Variants in ACOX3 observed in about 807,000 individuals in gnomAD.
The protein encoded by ACOX3 is peroxisomal acyl-coenzyme A oxidase 3.
Under a neutral mutation model 81.5 loss-of-function variants are expected in ACOX3, and 73 were observed. The ratio of observed to expected loss-of-function variants is 0.90; its 90% CI spans 0.74 to 1.09. The LOEUF (loss-of-function observed/expected upper bound fraction) is 1.09, where lower values mean the gene tolerates loss of function less well. ACOX3 is among the 50% of genes least tolerant of loss of function. ACOX3 has a pLI of 0.00. For missense variants in ACOX3, 947 were observed against 928.0 expected (o/e 1.02, Z -0.27); for synonymous variants, 387 against 375.1 (o/e 1.03, Z -0.37).
downstream of ACOX3, chr4:8,366,224 C>A (rs182662991): frequency 2.1e-4 from 32 of 152,400 alleles, no homozygotes; most frequent in African/African-American, 7.5e-4. Context: ...TGGGGACAGG[C>A]CACATGTGTG....
In ACOX3 at chr4:8,368,927, G is replaced by C. The variant is rs974594711; in HGVS notation, c.1984-1847C>G. ...ACTCCTGGGCTAAAGGGATCCGCCCGCCTCAGCCTTCCAAAGTGCTAGGAT... is the reference window on the plus strand; with the variant it reads ...ACTCCTGGGCTAAAGGGATCCGCCCCCCTCAGCCTTCCAAAGTGCTAGGAT... On this transcript the variant is annotated intron_variant, in intron 17 of 17. Coordinates refer to ENST00000356406, the MANE Select transcript of ACOX3 (RefSeq NM_003501.3). This position sits in a 1 kb window ranked among gnomAD's most constrained non-coding sequence, Gnocchi z 5.9. Among the ~76,000 whole-genome samples the C allele has an allele frequency of 2.6e-5, 4 of 151,996 alleles. No homozygotes were observed. Among genetic ancestry groups the C allele is most frequent in the African/African-American group, 7.3e-5 (3 of 41,368 alleles).
chr4:8,390,887 C>T (rs1258902091), intron 11 of ACOX3, among the ~76,000 whole-genome samples: 1 of 152,170 alleles, frequency 6.6e-6, no homozygotes, highest in Non-Finnish European at 1.5e-5. Flanking sequence ...AGCTTCCTGC[C>T]ACGTAACAGG....
rs1718647072 is a variant in ACOX3 at position 8,389,054 on chromosome 4, A to G, written c.1537+119T>C. 8 of 769,838 alleles carry G rather than the reference A, an allele frequency of 1.0e-5. No individual in the cohort carries two copies. The East Asian group carries it at 1.9e-4, about 18-fold the overall frequency. 47.7% of individuals were successfully genotyped at this position (769,838 alleles called of 1,614,324 possible). A position where few individuals can be genotyped will look rare whatever the true frequency, so the allele number is the denominator to read the frequency against. On this transcript the variant is annotated intron_variant, in intron 13 of 17. Coordinates refer to ENST00000356406, the MANE Select transcript of ACOX3 (RefSeq NM_003501.3). The surrounding 1 kb of genome is among the most constrained non-coding windows in gnomAD (Gnocchi z 5.3). ...GGACAAGCTGCATGCGGGGCCTCCC[A>G]CCACCACTGCTGCCCCGGCTGGAAC...
At chr4:8,361,449 AAAAAAAAAG>A (rs1246063938), downstream of ACOX3, among the ~76,000 whole-genome samples, 39 of 150,170 alleles carry the variant, frequency 2.6e-4, no homozygotes, top group Admixed American at 5.3e-4. Flanking sequence ...AAAAAAAAAA[AAAAAAAAAG>A]GATTGTTTTA....
At chr4:8,366,109 C>A (rs896848538), downstream of ACOX3, among the ~76,000 whole-genome samples, 6 of 152,176 alleles carry the variant, frequency 3.9e-5, no homozygotes, top group African/African-American at 7.2e-5. Context: ...GAACCTAACA[C>A]TGGGAAGGGC....
intron 5 of ACOX3, among the ~76,000 whole-genome samples, chr4:8,412,005 GGAAA>G (rs1721776127): frequency 6.6e-6 from 1 of 152,220 alleles, no homozygotes; most frequent in African/African-American, 2.4e-5. Flanking sequence ...AGAAGGAGGT[GGAAA>G]TGGGAAGTGG....
Position 8,381,430 on chromosome 4 carries a change from C to T in ACOX3, c.1653+62G>A, listed in dbSNP as rs1717631584. 1.4e-6 allele frequency: 2 copies of T among 1,479,554 alleles called. No homozygotes were observed. Among genetic ancestry groups the T allele is most frequent in the East Asian group, 2.3e-5 (1 of 43,968 alleles). 91.7% of individuals were successfully genotyped at this position (1,479,554 alleles called of 1,614,324 possible). ...GCCAGGATGTTCAAACTCCCAGGGACACAACGGCCAGGGAATTAAGAGCAA... is the reference window on the plus strand; with the variant it reads ...GCCAGGATGTTCAAACTCCCAGGGATACAACGGCCAGGGAATTAAGAGCAA... On this transcript the variant is annotated intron_variant, in intron 14 of 17. Transcript: ENST00000356406. This position sits in a 1 kb window ranked among gnomAD's most constrained non-coding sequence, Gnocchi z 4.3.
At chr4:8,383,963 T>C (rs548769342) in intron 13 of ACOX3, among the ~76,000 whole-genome samples, 1 of 152,320 alleles carries the variant, frequency 6.6e-6, no homozygotes, top group African/African-American at 2.4e-5. Context: ...GCAAATTCCT[T>C]CTGACCACAC....
At chr4:8,373,420 G>C in intron 16 of ACOX3, 141 bp downstream of exon 16, 3 of 840,024 alleles carry the variant, frequency 3.6e-6, no homozygotes, top group Non-Finnish European at 5.7e-6. Flanking sequence ...TGTAGGCTCT[G>C]GGTGACGCTA....
intron 1 of ACOX3, chr4:8,436,178 T>C (rs1270892965): frequency 1.3e-5 from 2 of 152,186 alleles, no homozygotes; most frequent in Non-Finnish European, 2.9e-5. Flanking sequence ...GCTAGAGCCC[T>C]GTCGAGCATT....
intron 6 of ACOX3, among the ~76,000 whole-genome samples, chr4:8,408,904 T>A (rs28506878): frequency 9.8e-5 from 3 of 30,538 alleles, no homozygotes; most frequent in Non-Finnish European, 1.7e-4. Context: ...GGGGGGGGGG[T>A]GGGGGGGGGG....
chr4:8,424,821 C>T (rs1723300131), intron 1 of ACOX3, among the ~76,000 whole-genome samples: 1 of 152,194 alleles, frequency 6.6e-6, no homozygotes, highest in East Asian at 1.9e-4. Flanking sequence ...TGACTGATCC[C>T]GACCTCAACT....
At chr4:8,425,851 G>C (rs1723420299) in intron 1 of ACOX3, among the ~76,000 whole-genome samples, 1 of 152,090 alleles carries the variant, frequency 6.6e-6, no homozygotes, top group African/African-American at 2.4e-5. Flanking sequence ...TTTCAAGGCT[G>C]CAGTAACCCA....
chr4:8,405,830 C>T lies in ACOX3; in HGVS notation c.776+125G>A, dbSNP rs1720878703. On this transcript the variant is annotated intron_variant, in intron 7 of 17. Coordinates refer to ENST00000356406, the MANE Select transcript of ACOX3 (RefSeq NM_003501.3). The surrounding 1 kb of genome is among the most constrained non-coding windows in gnomAD (Gnocchi z 7.1). ...TGCACGGGGGCTAGGCGTAGGTCCC[C>T]ACCGCATTTGAGTCTAAGAGGGCAG... The T allele has an allele frequency of 1.0e-6, 1 of 982,364 alleles. No individual in the cohort carries two copies. Among genetic ancestry groups the T allele is most frequent in the Non-Finnish European group, 1.6e-6 (1 of 623,532 alleles). The allele number at this position is 982,364 out of a possible 1,614,324, so 60.9% of individuals were successfully genotyped here.
intron 5 of ACOX3, among the ~76,000 whole-genome samples, chr4:8,413,844 G>A (rs58141973): frequency 0.038 from 5,788 of 152,352 alleles, 145 homozygotes; most frequent in African/African-American, 0.067. Context: ...GTCAGACTGC[G>A]GTGGCGGAAA....
chr4:8,365,708 T>C (rs949162627), downstream of ACOX3, among the ~76,000 whole-genome samples: 3 of 152,076 alleles, frequency 2.0e-5, no homozygotes, highest in African/African-American at 7.2e-5. Flanking sequence ...AGTCACTAAT[T>C]ACCCCTCAGA....
rs749483713 is a variant in ACOX3, at chr4:8,394,574, G to A, written c.1179+46C>T. On this transcript the variant is annotated intron_variant, in intron 10 of 17. Transcript: ENST00000356406. The surrounding 1 kb of genome is among the most constrained non-coding windows in gnomAD (Gnocchi z 5.9). Reference sequence around the variant, plus strand: ...AGGTTGAATCTATGCTGCTCCAACCGTGTGAGATTTAAACGATGCTGCTGA... The same window carrying A: ...AGGTTGAATCTATGCTGCTCCAACCATGTGAGATTTAAACGATGCTGCTGA... 6 of 1,603,798 alleles carry A rather than the reference G, an allele frequency of 3.7e-6. No individual in the cohort carries two copies. The highest frequency in any genetic ancestry group is 5.1e-6 in the Non-Finnish European group (6 of 1,174,252).
chr4:8,413,565 C>G (rs1722013970), intron 5 of ACOX3, among the ~76,000 whole-genome samples: 1 of 149,304 alleles, frequency 6.7e-6, no homozygotes, highest in Non-Finnish European at 1.5e-5. Context: ...TGTCCCGTCT[C>G]ACTGCACCTC....
intron 1 of ACOX3, among the ~76,000 whole-genome samples, chr4:8,427,742 C>T (rs1400889396): frequency 6.6e-6 from 1 of 152,234 alleles, no homozygotes; most frequent in Non-Finnish European, 1.5e-5. Context: ...GGCCTGCCAC[C>T]ACCCTGGGAG....
Sources: gnomAD v4.1 joint callset for allele counts (sites outside exome capture counted in the v4.1 genomes callset) on GRCh38, gnomAD v4.1.1 for gene constraint, Gnocchi (gnomAD v3.1) non-coding constraint, MANE v1.5 for transcripts, NCBI Gene and HGNC (gene_info 2026-07-23, HGNC 2026-07-21) for gene names.